The following SLC12A8 variants were observed in gnomAD, a reference collection of about 807,000 sequenced individuals.
The protein encoded by SLC12A8 is cation-chloride cotransporter 9.
SLC12A8 carries 69 observed loss-of-function variants against 75.6 expected under a neutral mutation model. The ratio of observed to expected loss-of-function variants is 0.91; its 90% confidence interval spans 0.75 to 1.11. The LOEUF (loss-of-function observed/expected upper bound fraction) is 1.11, where lower values mean the gene tolerates loss of function less well. SLC12A8 is among the 50% of genes most tolerant of loss of function. The probability of loss-of-function intolerance (pLI) is 0.00; values close to 1 mark genes in which losing one functional copy is unlikely to be tolerated. For synonymous variants in SLC12A8, 365 were observed against 372.8 expected (o/e 0.98, Z 0.24); for missense variants, 877 against 896.7 (o/e 0.98, Z 0.28).
intron 5 of SLC12A8, among the ~76,000 whole-genome samples, chr3:125,161,975 G>A (rs9870310): frequency 0.13 from 20,329 of 152,274 alleles, 2,999 homozygotes; most frequent in African/African-American, 0.37. Flanking sequence ...GTCTGACTGG[G>A]CTTGCAAGCT....
intron 5 of SLC12A8, chr3:125,154,969 C>G (rs2107774022): frequency 6.6e-6 from 1 of 152,254 alleles, no homozygotes; most frequent in African/African-American, 2.4e-5. Flanking sequence ...GATAACCAAG[C>G]CAGGTACTAA....
At chr3:125,106,486 C>T (rs1939028585) in intron 10 of SLC12A8, among the ~76,000 whole-genome samples, 1 of 152,108 alleles carries the variant, frequency 6.6e-6, no homozygotes, top group Non-Finnish European at 1.5e-5. Context: ...CCACTGCAAC[C>T]TCCGCCTCCT....
intron 5 of SLC12A8, among the ~76,000 whole-genome samples, chr3:125,149,879 G>T (rs1055386900): frequency 4.6e-5 from 7 of 152,170 alleles, no homozygotes; most frequent in African/African-American, 1.7e-4. Flanking sequence ...CTGGACAATT[G>T]GTCAGGCTTG....
chr3:125,097,031 A>T (rs1938729826), intron 10 of SLC12A8, among the ~76,000 whole-genome samples: 1 of 152,228 alleles, frequency 6.6e-6, no homozygotes, highest in African/African-American at 2.4e-5. Context: ...TTTAATTTTA[A>T]CAATTTAATT....
chr3:125,103,459 TAAAAAAA>T (rs34404091), intron 10 of SLC12A8, among the ~76,000 whole-genome samples: 12 of 120,900 alleles, frequency 9.9e-5, no homozygotes, highest in African/African-American at 2.8e-4. Flanking sequence ...GTACTTCACT[TAAAAAAA>T]AAAAAAAAAA....
rs1365967304 is a variant in SLC12A8 at position 125,135,741 on chromosome 3, T to C, written c.664A>G (p.Asn222Asp). 4 of 1,609,386 alleles carry C rather than the reference T, an allele frequency of 2.5e-6. No individual in the cohort carries two copies. Among genetic ancestry groups the C allele is most frequent in the African/African-American group, 1.3e-5 (1 of 74,842 alleles). The change falls in exon 6 of 14, where the codon AAC becomes GAC. Residue 222 changes from asparagine (N) to aspartate (D), a missense_variant. Asn to Asp is a conservative substitution (Grantham distance 23). Transcript: ENST00000469902. ...IGYSPELLQNNTLPDYSPGES... is the reference protein window; with the variant it reads ...IGYSPELLQNDTLPDYSPGES... Reference sequence around the variant, plus strand: ...CCCGGGCTGTAATCGGGCAGCGTGTTGTTCTGTAGCAGTTCGGGTGAATAT... The same window carrying C: ...CCCGGGCTGTAATCGGGCAGCGTGTCGTTCTGTAGCAGTTCGGGTGAATAT...
chr3:125,158,355 G>A (rs908704712), intron 5 of SLC12A8, among the ~76,000 whole-genome samples: 1 of 152,074 alleles, frequency 6.6e-6, no homozygotes, highest in Non-Finnish European at 1.5e-5. Flanking sequence ...CGAGTAGCTG[G>A]AATTACAGGC....
intron 5 of SLC12A8, among the ~76,000 whole-genome samples, chr3:125,176,729 C>A (rs1223893878): frequency 4.6e-5 from 7 of 150,562 alleles, no homozygotes; most frequent in Non-Finnish European, 1.0e-4. Context: ...AAAAAATGCT[C>A]ATCATCACTG....
intron 3 of SLC12A8, among the ~76,000 whole-genome samples, chr3:125,187,998 G>A (rs928663718): frequency 1.1e-4 from 16 of 152,094 alleles, no homozygotes; most frequent in African/African-American, 3.1e-4. Flanking sequence ...GAGCTCCAGG[G>A]GAGGATGATA....
At chr3:125,197,895 T>G (rs1935036154) in intron 2 of SLC12A8, among the ~76,000 whole-genome samples, 1 of 152,156 alleles carries the variant, frequency 6.6e-6, no homozygotes, top group South Asian at 2.1e-4. Flanking sequence ...GAGTGAGGGA[T>G]TAATGAGGAA....
At chr3:125,126,481 G>A (rs760688163) in intron 6 of SLC12A8, among the ~76,000 whole-genome samples, 20 of 152,206 alleles carry the variant, frequency 1.3e-4, no homozygotes, top group Non-Finnish European at 2.2e-4. Flanking sequence ...ACATTTGCAA[G>A]TGGGTAGGTC....
chr3:125,117,602 GTTAAAA>G (rs1405970552), intron 8 of SLC12A8, among the ~76,000 whole-genome samples: 4 of 151,796 alleles, frequency 2.6e-5, no homozygotes, highest in South Asian at 2.1e-4. Context: ...TCTTTAAAAA[GTTAAAA>G]TTAAAATATT....
intron 2 of SLC12A8, among the ~76,000 whole-genome samples, chr3:125,210,148 T>A (rs978528432): frequency 6.6e-6 from 1 of 152,240 alleles, no homozygotes; most frequent in Non-Finnish European, 1.5e-5. Flanking sequence ...TTAACTTGCA[T>A]TGTGGTTTTC....
In SLC12A8 at chr3:125,190,341, G is replaced by A. The variant is rs772297279; in HGVS notation, c.198+34C>T. ...GGCAGAGCTTTCCTGTCTTGGGCCC[G>A]TGAGAGGCTCCAGGCCACCAACTCA... On this transcript the variant is annotated intron_variant, in intron 3 of 13. Coordinates refer to ENST00000469902, the MANE Select transcript of SLC12A8 (RefSeq NM_024628.6). 58 of 1,611,198 alleles carry A rather than the reference G, an allele frequency of 3.6e-5. 1 individual carries two copies. Among genetic ancestry groups the A allele is most frequent in the South Asian group, 3.1e-4 (28 of 90,664 alleles).
intron 2 of SLC12A8, among the ~76,000 whole-genome samples, chr3:125,203,088 C>CAAAAAAAAAAAAA (rs758212012): frequency 3.4e-5 from 3 of 88,444 alleles, no homozygotes; most frequent in Non-Finnish European, 2.0e-5. Context: ...GACTTCATCT[C>CAAAAAAAAAAAAA]AAAAAAAAAA....
intron 2 of SLC12A8, among the ~76,000 whole-genome samples, chr3:125,204,737 C>A (rs1456352696): frequency 6.6e-6 from 1 of 152,024 alleles, no homozygotes; most frequent in Non-Finnish European, 1.5e-5. Flanking sequence ...TTGAAATGCT[C>A]CTAAGACAAA....
chr3:125,145,612 C>T (rs867583304), intron 5 of SLC12A8, among the ~76,000 whole-genome samples: 3 of 152,168 alleles, frequency 2.0e-5, no homozygotes, highest in Admixed American at 6.5e-5. Context: ...GGCATCCTTT[C>T]CAAAACCCTC....
chr3:125,165,509 G>A (rs550540175), intron 5 of SLC12A8, among the ~76,000 whole-genome samples: 172 of 152,328 alleles, frequency 1.1e-3, no homozygotes, highest in Middle Eastern at 6.8e-3. Context: ...GACACGCCCT[G>A]CTGGGAGGAC....
chr3:125,116,963 G>T (rs781227207), intron 8 of SLC12A8, among the ~76,000 whole-genome samples: 1 of 152,166 alleles, frequency 6.6e-6, no homozygotes, highest in Non-Finnish European at 1.5e-5. Flanking sequence ...ACAAATGAGG[G>T]CTATAGATTC....
Sources: allele counts gnomAD v4.1 joint callset (sites outside exome capture counted in the v4.1 genomes callset), GRCh38; gene constraint gnomAD v4.1.1; transcripts MANE v1.5; gene names NCBI Gene and HGNC (gene_info 2026-07-23, HGNC 2026-07-21).